The following RFLNA variants were observed in gnomAD, a reference collection of about 807,000 sequenced individuals.
The protein encoded by RFLNA is refilin-A.
In RFLNA, 5 loss-of-function variants were observed where a neutral mutation model predicts 7.8. The observed-to-expected ratio is 0.64, with a 90% confidence interval of 0.34 to 1.35. The LOEUF is 1.35. RFLNA is among the 40% of genes most tolerant of loss of function. The pLI, the probability that RFLNA is intolerant of heterozygous loss-of-function variation, is 0.04. For missense variants in RFLNA, 278 were observed against 305.5 expected (o/e 0.91, Z 0.67); for synonymous variants, 141 against 131.3 (o/e 1.07, Z -0.50).
intron 1 of RFLNA, among the ~76,000 whole-genome samples, chr12:124,298,927 A>C (rs1362115026): frequency 1.3e-5 from 2 of 152,248 alleles, no homozygotes; most frequent in African/African-American, 4.8e-5. Flanking sequence ...CAAAAATCTC[A>C]GAAATCACCA....
intron 2 of RFLNA, among the ~76,000 whole-genome samples, chr12:124,313,136 T>C (rs565934998): frequency 1.3e-5 from 2 of 152,306 alleles, no homozygotes; most frequent in East Asian, 3.9e-4. Context: ...AATTAGATCA[T>C]CAGAAGCCCA....
At position 124,314,511 on chromosome 12, in the gene RFLNA, C is replaced by T. The variant is rs1221422547; in HGVS notation, c.637C>T (p.Pro213Ser). 12 of 1,585,174 alleles carry T rather than the reference C, an allele frequency of 7.6e-6. No individual in the cohort carries two copies. Among genetic ancestry groups the T allele is most frequent in the Non-Finnish European group, 1.0e-5 (12 of 1,172,818 alleles). ...GGACCCTGCCCCCAGCCTCCTGGGCCCTGCCACGCTCTGACGGGGCTGGGG... is the reference window on the plus strand; with the variant it reads ...GGACCCTGCCCCCAGCCTCCTGGGCTCTGCCACGCTCTGACGGGGCTGGGG... The part of the protein sequence containing the change: ...CQDPAPSLLG[P>S]ATL Residue 213 changes from proline (P) to serine (S), a missense_variant, in exon 3 of 3, where the codon CCT becomes TCT. Physicochemically the swap from Pro to Ser is moderately conservative, Grantham distance 74 (BLOSUM62 -1). Coordinates refer to ENST00000546355, the MANE Select transcript of RFLNA (RefSeq NM_001365156.1).
At chr12:124,312,357 C>T (rs2034261249) in intron 2 of RFLNA, among the ~76,000 whole-genome samples, 1 of 150,898 alleles carries the variant, frequency 6.6e-6, no homozygotes. Flanking sequence ...GTCACCCAGG[C>T]TGAAGTGCAG....
intron 1 of RFLNA, among the ~76,000 whole-genome samples, chr12:124,301,834 G>A (rs2034043653): frequency 6.6e-6 from 1 of 152,172 alleles, no homozygotes; most frequent in South Asian, 2.1e-4. Flanking sequence ...AGAGCTGTGG[G>A]TCCCTGCACT....
chr12:124,297,247 G>C (rs930392171), intron 1 of RFLNA, among the ~76,000 whole-genome samples: 1 of 152,136 alleles, frequency 6.6e-6, no homozygotes, highest in South Asian at 2.1e-4. Context: ...CGTGGCTGCC[G>C]CAAGAATAGC....
At chr12:124,303,281 CCT>C (rs1042631894) in intron 1 of RFLNA, among the ~76,000 whole-genome samples, 1 of 152,158 alleles carries the variant, frequency 6.6e-6, no homozygotes, top group Non-Finnish European at 1.5e-5. Flanking sequence ...CCGAGGAGCC[CCT>C]GTGTACTTTG....
At chr12:124,294,569 G>A (rs1369098151), upstream of RFLNA, among the ~76,000 whole-genome samples, 1 of 150,640 alleles carries the variant, frequency 6.6e-6, no homozygotes, top group Non-Finnish European at 1.5e-5. Flanking sequence ...AGATGCCGGG[G>A]GATTCCCGGA....
intron 1 of RFLNA, among the ~76,000 whole-genome samples, chr12:124,298,308 G>C (rs1057223871): frequency 6.6e-6 from 1 of 152,010 alleles, no homozygotes; most frequent in African/African-American, 2.4e-5. Context: ...CCCCCACTTT[G>C]TTTGAATAAG....
intron 1 of RFLNA, among the ~76,000 whole-genome samples, chr12:124,305,337 CG>C (rs569348561): frequency 3.3e-4 from 51 of 152,286 alleles, no homozygotes; most frequent in African/African-American, 1.2e-3. Context: ...GCCTGGGAGG[CG>C]GGTCCTCCTA....
At position 124,314,859 on chromosome 12, in the gene RFLNA, A is replaced by G; in HGVS notation, c.*334A>G. On this transcript the variant is annotated 3_prime_UTR_variant, in exon 3 of 3. Transcript: ENST00000546355. The stretch of plus-strand genomic sequence containing the variant: ...GGTCCATGGAGTGCCCTTGAAGCAG[A>G]GAACAGCCCCGAGCAGTGTGAGGAC... 2.1e-6 allele frequency: 1 copy of G among 483,884 alleles called. No individual in the cohort carries two copies. Among genetic ancestry groups the G allele is most frequent in the Non-Finnish European group, 4.0e-6 (1 of 249,558 alleles). 30.0% of individuals were successfully genotyped at this position (483,884 alleles called of 1,614,324 possible). A position where few individuals can be genotyped will look rare whatever the true frequency, so the allele number is the denominator to read the frequency against.
intron 1 of RFLNA, among the ~76,000 whole-genome samples, chr12:124,297,326 C>T (rs2033946691): frequency 6.6e-6 from 1 of 152,112 alleles, no homozygotes. Flanking sequence ...CACTAGATGC[C>T]AGGTATGAAA....
chr12:124,292,393 C>G (rs12307096), upstream of RFLNA, among the ~76,000 whole-genome samples: 21 of 152,340 alleles, frequency 1.4e-4, no homozygotes, highest in Admixed American at 6.5e-4. Context: ...GCCACAAGAG[C>G]CTCCTGCCCT....
intron 1 of RFLNA, among the ~76,000 whole-genome samples, chr12:124,301,156 G>A (rs564122937): frequency 6.6e-6 from 1 of 152,322 alleles, no homozygotes; most frequent in East Asian, 1.9e-4. Flanking sequence ...CCTGTTTGCA[G>A]AAAGGGAGGC....
chr12:124,309,109 C>T (rs140425446), intron 1 of RFLNA, among the ~76,000 whole-genome samples: 30 of 152,254 alleles, frequency 2.0e-4, no homozygotes, highest in African/African-American at 6.0e-4. Flanking sequence ...TGAGGGCGTG[C>T]GGGTGTCCTG....
intron 1 of RFLNA, among the ~76,000 whole-genome samples, chr12:124,309,847 C>G (rs1593037901): frequency 6.6e-6 from 1 of 152,186 alleles, no homozygotes; most frequent in East Asian, 1.9e-4. Flanking sequence ...GCAGCCACAC[C>G]TCAAGGAGAA....
intron 1 of RFLNA, among the ~76,000 whole-genome samples, chr12:124,311,442 C>A (rs1452902064): frequency 6.6e-6 from 1 of 152,226 alleles, no homozygotes; most frequent in African/African-American, 2.4e-5. Flanking sequence ...TTCCTCCAGG[C>A]CGAGTGTGGT....
At chr12:124,294,384 G>C (rs1226538050), upstream of RFLNA, among the ~76,000 whole-genome samples, 1 of 152,174 alleles carries the variant, frequency 6.6e-6, no homozygotes. Context: ...GGTGGGGGGC[G>C]TCTGTGTGGC....
At chr12:124,313,421 G>A (rs2034288658) in intron 2 of RFLNA, among the ~76,000 whole-genome samples, 1 of 152,210 alleles carries the variant, frequency 6.6e-6, no homozygotes, top group Admixed American at 6.5e-5. Flanking sequence ...GCTCATGCCT[G>A]TAATCCCAGC....
At chr12:124,312,801 CGCAT>C (rs1327398031) in intron 2 of RFLNA, among the ~76,000 whole-genome samples, 54 of 1,958 alleles carry the variant, frequency 0.028, no homozygotes, top group Non-Finnish European at 0.049. Context: ...ATGCATATGA[CGCAT>C]ATGACATCTT....
Sources: allele counts gnomAD v4.1 joint callset (sites outside exome capture counted in the v4.1 genomes callset), GRCh38; gene constraint gnomAD v4.1.1; transcripts MANE v1.5; gene names NCBI Gene and HGNC (gene_info 2026-07-23, HGNC 2026-07-21).